The following NCEH1 variants were observed in gnomAD, a reference collection of about 807,000 sequenced individuals.
NCEH1 encodes the protein neutral cholesterol ester hydrolase 1.
A neutral mutation model predicts 25.4 loss-of-function variants in NCEH1; 9 were observed. The ratio of observed to expected loss-of-function variants is 0.35; its 90% CI spans 0.21 to 0.62. NCEH1 has a LOEUF of 0.62. NCEH1 is among the 20% of genes least tolerant of loss of function. The pLI, the probability that NCEH1 is intolerant of heterozygous loss-of-function variation, is 0.72. For missense variants in NCEH1, 412 were observed against 501.1 expected (o/e 0.82, Z 1.70); for synonymous variants, 200 against 199.8 (o/e 1.00, Z -0.01).
intron 3 of NCEH1, among the ~76,000 whole-genome samples, chr3:172,640,942 C>A (rs1043672131): frequency 6.6e-6 from 1 of 152,114 alleles, no homozygotes; most frequent in Non-Finnish European, 1.5e-5. Flanking sequence ...GCTGGAATTA[C>A]GGGTGTGAGC....
chr3:172,647,724 C>T, intron 2 of NCEH1, 162 bp downstream of exon 2: 1 of 826,930 alleles, frequency 1.2e-6, no homozygotes, highest in South Asian at 1.8e-5. Context: ...GAAAAGGGGG[C>T]ACTAGTCATA....
At position 172,631,314 on chromosome 3, in the gene NCEH1, A is replaced by G. The variant is rs1305324411; in HGVS notation, c.*2161T>C. ...ATAAGGTCCAAATATTGGTTCCTTC[A>G]AATGGTGTCAAAAAGAATAGTATTA... is the stretch of plus-strand genomic sequence containing the variant. On this transcript the variant is annotated 3_prime_UTR_variant, in exon 5 of 5. Transcript: ENST00000475381. The G allele has an allele frequency of 3.9e-5, 6 of 152,248 alleles. No homozygotes were observed. The highest frequency in any genetic ancestry group is 7.3e-5 in the Non-Finnish European group (5 of 68,040). The allele number at this position is 152,248 out of a possible 1,614,324, so 9.4% of individuals were successfully genotyped here.
At chr3:172,688,278 C>T (rs368914734) in intron 1 of NCEH1, among the ~76,000 whole-genome samples, 1 of 132,892 alleles carries the variant, frequency 7.5e-6, no homozygotes, top group East Asian at 2.1e-4. Flanking sequence ...TGCAGTGAGC[C>T]GAGATCACGT....
chr3:172,668,490 G>T (rs576287788), intron 1 of NCEH1, among the ~76,000 whole-genome samples: 1 of 151,766 alleles, frequency 6.6e-6, no homozygotes, highest in East Asian at 1.9e-4. Flanking sequence ...GAGTAGCTGG[G>T]ACTACAGGCA....
chr3:172,698,145 T>C (rs1451694163), intron 1 of NCEH1, among the ~76,000 whole-genome samples: 5 of 151,878 alleles, frequency 3.3e-5, no homozygotes, highest in Non-Finnish European at 7.4e-5. Flanking sequence ...CCCGGCTAAT[T>C]TTTGTATTTT....
chr3:172,637,980 G>A (rs1054111752), intron 3 of NCEH1, among the ~76,000 whole-genome samples: 5 of 152,158 alleles, frequency 3.3e-5, no homozygotes, highest in African/African-American at 1.2e-4. Flanking sequence ...CCAGGAAGTG[G>A]AAGTTGCAGT....
chr3:172,650,098 A>G (rs1577059740), intron 1 of NCEH1, among the ~76,000 whole-genome samples: 1 of 152,366 alleles, frequency 6.6e-6, no homozygotes, highest in African/African-American at 2.4e-5. Flanking sequence ...TTCCAGAAAC[A>G]TCTCTCCATG....
At chr3:172,641,705 C>G (rs1275584773) in intron 3 of NCEH1, among the ~76,000 whole-genome samples, 1 of 152,192 alleles carries the variant, frequency 6.6e-6, no homozygotes, top group African/African-American at 2.4e-5. Flanking sequence ...CCTCAGTCGT[C>G]CCTCCGTCTG....
At chr3:172,663,747 G>A (rs1410289909) in intron 1 of NCEH1, among the ~76,000 whole-genome samples, 2 of 151,976 alleles carry the variant, frequency 1.3e-5, no homozygotes, top group African/African-American at 4.8e-5. Flanking sequence ...ATCTTTGTTG[G>A]TTTAAAGTCT....
At chr3:172,697,451 G>C (rs976675879) in intron 1 of NCEH1, among the ~76,000 whole-genome samples, 27 of 152,090 alleles carry the variant, frequency 1.8e-4, no homozygotes, top group African/African-American at 6.5e-4. Flanking sequence ...TACCTCTCTT[G>C]GGTGTTTCAT....
At chr3:172,689,909 A>ATTTAT (rs1553838355) in intron 1 of NCEH1, among the ~76,000 whole-genome samples, 8 of 140,862 alleles carry the variant, frequency 5.7e-5, no homozygotes, top group African/African-American at 2.1e-4. Flanking sequence ...TTATTTATTT[A>ATTTAT]TTTTTTTTTT....
chr3:172,653,768 T>TG (rs1560186685), intron 1 of NCEH1, among the ~76,000 whole-genome samples: 2 of 116,612 alleles, frequency 1.7e-5, no homozygotes, highest in Admixed American at 1.8e-4. Context: ...TTGTTTTTTT[T>TG]TTTTTTTGAG....
In NCEH1 at chr3:172,633,709, C is replaced by G. The variant is rs1020077041; in HGVS notation, c.993G>C (p.Gln331His). 3 of 1,614,218 alleles carry G rather than the reference C, an allele frequency of 1.9e-6. No individual in the cohort carries two copies. Among genetic ancestry groups the G allele is most frequent in the Non-Finnish European group, 1.7e-6 (2 of 1,180,048 alleles). Residue 331 changes from glutamine to histidine, a missense_variant, in exon 5 of 5, where the codon CAG becomes CAC. By Grantham distance (24) the Gln-to-His change is conservative (BLOSUM62 0). Around this residue, in one of 3 missense-constraint regions of NCEH1, gnomAD observed 210 missense variants for 258.2 expected, o/e 0.81. Transcript: ENST00000475381. ...DARSAPLIAD[Q>H]AVLQLLPKTY... ...TCTTTGGGAGGAGCTGCAGCACTGCCTGGTCTGCAATGAGTGGGGCGGAGC... is the reference window on the plus strand; with the variant it reads ...TCTTTGGGAGGAGCTGCAGCACTGCGTGGTCTGCAATGAGTGGGGCGGAGC...
At chr3:172,692,877 C>T (rs985425952) in intron 1 of NCEH1, among the ~76,000 whole-genome samples, 1 of 152,210 alleles carries the variant, frequency 6.6e-6, no homozygotes, top group African/African-American at 2.4e-5. Flanking sequence ...TTCAGAAACT[C>T]CAGAGCAGTA....
intron 1 of NCEH1, among the ~76,000 whole-genome samples, chr3:172,700,954 G>GTTCT (rs199852734): frequency 0.033 from 4,980 of 152,240 alleles, 222 homozygotes; most frequent in African/African-American, 0.1. Context: ...AAAAAGTTAT[G>GTTCT]TTAAGGTCTC....
intron 1 of NCEH1, among the ~76,000 whole-genome samples, chr3:172,690,670 T>C (rs1390324898): frequency 6.6e-6 from 1 of 152,188 alleles, no homozygotes; most frequent in Non-Finnish European, 1.5e-5. Flanking sequence ...TTTTTGGTAA[T>C]AGGAGAATAG....
intron 1 of NCEH1, among the ~76,000 whole-genome samples, chr3:172,672,642 G>A (rs964348797): frequency 2.0e-5 from 3 of 152,168 alleles, no homozygotes; most frequent in Non-Finnish European, 1.5e-5. Flanking sequence ...GCACCTTAGA[G>A]AACCTCCTGA....
chr3:172,656,380 T>C (rs981465592), intron 1 of NCEH1, among the ~76,000 whole-genome samples: 1 of 152,144 alleles, frequency 6.6e-6, no homozygotes, highest in Non-Finnish European at 1.5e-5. Context: ...TAACAGGTAA[T>C]TTATAGACGG....
intron 1 of NCEH1, among the ~76,000 whole-genome samples, chr3:172,706,006 C>T (rs1459318469): frequency 3.0e-5 from 2 of 66,176 alleles, no homozygotes; most frequent in Admixed American, 4.7e-4. Context: ...TCAACAACAA[C>T]AACCAAAAAA....
Sources: gnomAD v4.1 joint callset for allele counts (sites outside exome capture counted in the v4.1 genomes callset) on GRCh38, gnomAD v4.1.1 for gene constraint, gnomAD v4.1.1 regional missense constraint, MANE v1.5 for transcripts, NCBI Gene and HGNC (gene_info 2026-07-23, HGNC 2026-07-21) for gene names.